Variants in HIPK2 observed in about 807,000 individuals in gnomAD.
HIPK2 encodes the protein homeodomain interacting protein kinase 2.
In HIPK2, 27 loss-of-function variants were observed where a neutral mutation model predicts 113.7. That is an observed-to-expected ratio of 0.24 (90% CI 0.17 to 0.33). The LOEUF is 0.33. Among genes scored for constraint, HIPK2 ranks in the 10% least tolerant of loss-of-function variants. The pLI is 1.00. For missense variants in HIPK2, 1,257 were observed against 1,588.0 expected, an observed-to-expected ratio of 0.79 and a Z score of 3.54; for synonymous variants, 631 against 642.2, an observed-to-expected ratio of 0.98 and a Z score of 0.26.
intron 5 of HIPK2, 91 bp downstream of exon 5, chr7:139,628,862 T>C (rs1258010856): frequency 3.6e-6 from 4 of 1,116,024 alleles, no homozygotes; most frequent in Non-Finnish European, 5.2e-6. Context: ...ATAATGTGGA[T>C]TTCAACCCAT....
chr7:139,629,774 C>G (rs768537717), intron 4 of HIPK2, among the ~76,000 whole-genome samples: 2 of 152,302 alleles, frequency 1.3e-5, no homozygotes, highest in Admixed American at 1.3e-4. Context: ...ACACCTGGAG[C>G]GGCTTAAGTC....
rs1189139498 is a variant in HIPK2 at position 139,571,309 on chromosome 7, C to G, written c.*1618G>C. ...GGCGAGGCTGAGAGCTCCAGGCTCT[C>G]GTGGAGGCGGGAGGGACTGGGGGAT... is the stretch of plus-strand genomic sequence containing the variant. On this transcript the variant is annotated 3_prime_UTR_variant, in exon 15 of 15. Transcript: ENST00000406875. The G allele has an allele frequency of 6.6e-6, 1 of 152,288 alleles. No homozygotes were observed. Among genetic ancestry groups the G allele is most frequent in the African/African-American group, 2.4e-5 (1 of 41,448 alleles). 9.4% of individuals were successfully genotyped at this position (152,288 alleles called of 1,614,324 possible).
At chr7:139,720,801 A>C (rs1196464741) in intron 1 of HIPK2, among the ~76,000 whole-genome samples, 1 of 152,182 alleles carries the variant, frequency 6.6e-6, no homozygotes, top group Non-Finnish European at 1.5e-5. Flanking sequence ...GCGGTCAGAG[A>C]GAGCGACAGC....
chr7:139,590,799 A>G (rs1022957215), intron 12 of HIPK2, among the ~76,000 whole-genome samples: 9 of 150,740 alleles, frequency 6.0e-5, no homozygotes, highest in African/African-American at 2.2e-4. Flanking sequence ...CATTAGAGAG[A>G]AAAAAAAAAT....
At position 139,716,288 on chromosome 7, in the gene HIPK2, C is replaced by T; in HGVS notation, c.747G>A (p.Arg249=). The T allele has an allele frequency of 6.2e-7, 1 of 1,614,156 alleles. No individual in the cohort carries two copies. Among genetic ancestry groups the T allele is most frequent in the Non-Finnish European group, 8.5e-7 (1 of 1,180,024 alleles). ...AGTCATCGGCACTCTCCGTGCTCAA[C>T]CGGGCCAGGATGCTCACTTCAATCT... ...QGQIEVSILA[R]LSTESADDYN... Residue 249 remains arginine, a synonymous_variant, in exon 2 of 15, where the codon CGG becomes CGA. Coordinates refer to ENST00000406875, the MANE Select transcript of HIPK2 (RefSeq NM_022740.5). This position sits in a 1 kb window ranked among gnomAD's most constrained non-coding sequence, Gnocchi z 9.3.
intron 6 of HIPK2, among the ~76,000 whole-genome samples, chr7:139,623,517 C>CA (rs771370297): frequency 0.021 from 1,569 of 73,290 alleles, 23 homozygotes; most frequent in South Asian, 0.025. Flanking sequence ...GACTCTACTT[C>CA]AAAAAAAAAA....
chr7:139,611,091 T>G (rs931029357), intron 9 of HIPK2, among the ~76,000 whole-genome samples: 1 of 152,228 alleles, frequency 6.6e-6, no homozygotes. Context: ...TCTCCTTACT[T>G]GTTACAAGTA....
Position 139,714,899 on chromosome 7 carries a change from C to T in HIPK2, c.1103+1033G>A, listed in dbSNP as rs1007690382. Among the ~76,000 whole-genome samples the T allele has an allele frequency of 6.6e-6, 1 of 152,212 alleles. No individual in the cohort carries two copies. Among genetic ancestry groups the T allele is most frequent in the Non-Finnish European group, 1.5e-5 (1 of 68,034 alleles). ...GGAGTGACACACCTAAGCCATGTTACAGCCATGTTACCTCCCAGCTGCCCA... is the reference window on the plus strand; with the variant it reads ...GGAGTGACACACCTAAGCCATGTTATAGCCATGTTACCTCCCAGCTGCCCA... On this transcript the variant is annotated intron_variant, in intron 2 of 14. Coordinates refer to ENST00000406875, the MANE Select transcript of HIPK2 (RefSeq NM_022740.5). The surrounding 1 kb of genome is among the most constrained non-coding windows in gnomAD (Gnocchi z 4.2).
chr7:139,728,499 A>G (rs1795657670), intron 1 of HIPK2, among the ~76,000 whole-genome samples: 1 of 152,140 alleles, frequency 6.6e-6, no homozygotes, highest in Non-Finnish European at 1.5e-5. Flanking sequence ...GTCTCTTCAC[A>G]TCATCTTCCC....
chr7:139,680,313 G>T (rs978205766), intron 2 of HIPK2, among the ~76,000 whole-genome samples: 1 of 152,190 alleles, frequency 6.6e-6, no homozygotes, highest in East Asian at 1.9e-4. Flanking sequence ...CCTCCCCACA[G>T]CGTGGCTGGT....
intron 1 of HIPK2, among the ~76,000 whole-genome samples, chr7:139,736,888 T>C (rs536479729): frequency 3.3e-5 from 5 of 152,306 alleles, no homozygotes; most frequent in Admixed American, 3.3e-4. Context: ...GCATCAAGTA[T>C]ACTCAATTTA....
At position 139,587,704 on chromosome 7, in the gene HIPK2, T is replaced by G. The variant is rs145482274; in HGVS notation, c.2718-3640A>C. 3.7e-4 allele frequency among the ~76,000 whole-genome samples: 56 copies of G among 151,672 alleles called. No individual in the cohort carries two copies. The East Asian group carries it at 0.01, about 28-fold the overall frequency. ...GAGCAGCCTGGGCAACACAGTGAGA[T>G]CCCACCTCTACAAAAATAAAAACAT... On this transcript the variant is annotated intron_variant, in intron 12 of 14. Coordinates refer to ENST00000406875, the MANE Select transcript of HIPK2 (RefSeq NM_022740.5).
chr7:139,745,186 C>T (rs1796169644), intron 1 of HIPK2, among the ~76,000 whole-genome samples: 1 of 152,206 alleles, frequency 6.6e-6, no homozygotes, highest in Non-Finnish European at 1.5e-5. Flanking sequence ...ACATCCAGGT[C>T]CCAGCTAGAA....
At chr7:139,645,602 G>A (rs1399479878) in intron 2 of HIPK2, among the ~76,000 whole-genome samples, 1 of 152,306 alleles carries the variant, frequency 6.6e-6, no homozygotes, top group Admixed American at 6.5e-5. Flanking sequence ...GGCCGATGGA[G>A]TAGGCTCTGA....
rs528538191 is a variant in HIPK2 at position 139,611,265 on chromosome 7, C to G, written c.2112+1937G>C. 6.6e-5 allele frequency among the ~76,000 whole-genome samples: 10 copies of G among 152,234 alleles called. No homozygotes were observed. In the South Asian group the frequency reaches 1.7e-3, roughly 25 times the overall value. On this transcript the variant is annotated intron_variant, in intron 9 of 14. Coordinates refer to ENST00000406875, the MANE Select transcript of HIPK2 (RefSeq NM_022740.5). ...ATTTTATAAAAAGGGAAATTATATGCCATTTTTCACCTATGAACATAGATA... is the reference window on the plus strand; with the variant it reads ...ATTTTATAAAAAGGGAAATTATATGGCATTTTTCACCTATGAACATAGATA...
chr7:139,652,594 G>A (rs1350213227), intron 2 of HIPK2, among the ~76,000 whole-genome samples: 1 of 152,204 alleles, frequency 6.6e-6, no homozygotes, highest in African/African-American at 2.4e-5. Context: ...CAATAAACAT[G>A]TATTGAGCAT....
At chr7:139,587,098 T>A (rs574501319) in intron 12 of HIPK2, among the ~76,000 whole-genome samples, 48 of 152,218 alleles carry the variant, frequency 3.2e-4, no homozygotes, top group Non-Finnish European at 5.9e-4. Context: ...AAATTTTATA[T>A]TTTACCACAA....
intron 1 of HIPK2, among the ~76,000 whole-genome samples, chr7:139,776,071 T>C (rs1796736717): frequency 6.6e-6 from 1 of 152,196 alleles, no homozygotes; most frequent in Non-Finnish European, 1.5e-5. Context: ...CCCCCTCCTG[T>C]AGACGCAGAT....
chr7:139,731,756 T>C (rs924328778), intron 1 of HIPK2, among the ~76,000 whole-genome samples: 3 of 152,242 alleles, frequency 2.0e-5, no homozygotes, highest in Non-Finnish European at 4.4e-5. Context: ...ATTCATTTCA[T>C]CCCCTTCTTA....
Sources: allele counts gnomAD v4.1 joint callset (sites outside exome capture counted in the v4.1 genomes callset), GRCh38; gene constraint gnomAD v4.1.1; non-coding constraint Gnocchi (gnomAD v3.1); transcripts MANE v1.5; gene names NCBI Gene and HGNC (gene_info 2026-07-23, HGNC 2026-07-21).